Variants in CACNA2D4 observed in about 807,000 individuals in gnomAD.
The protein encoded by CACNA2D4 is calcium voltage-gated channel auxiliary subunit alpha2delta 4.
In CACNA2D4, 157 loss-of-function variants were observed where a neutral mutation model predicts 163.8. The ratio of observed to expected loss-of-function variants is 0.96; its 90% CI spans 0.84 to 1.09. The LOEUF (loss-of-function observed/expected upper bound fraction) is 1.09, where lower values mean the gene tolerates loss of function less well. Ranked by LOEUF, CACNA2D4 falls within the 50% of genes least tolerant of loss-of-function variation. The pLI, the probability that CACNA2D4 is intolerant of heterozygous loss-of-function variation, is 0.00. For missense variants in CACNA2D4, 1,410 were observed against 1,479.9 expected (o/e 0.95, Z 0.78); for synonymous variants, 598 against 586.9 (o/e 1.02, Z -0.27).
chr12:1,863,908 A>AAAT (rs1555183367), intron 18 of CACNA2D4, among the ~76,000 whole-genome samples: 6 of 152,046 alleles, frequency 3.9e-5, no homozygotes, highest in African/African-American at 1.2e-4. Context: ...AAAAAAAAAA[A>AAAT]AATAATAACA....
chr12:1,794,503 A>G (rs1863055458), intron 37 of CACNA2D4, among the ~76,000 whole-genome samples: 3 of 152,290 alleles, frequency 2.0e-5, no homozygotes, highest in South Asian at 4.1e-4. Flanking sequence ...TCAGATGCCA[A>G]TCGCAAGCCC....
intron 29 of CACNA2D4, among the ~76,000 whole-genome samples, chr12:1,804,121 CTGTGTGTGTGTGTGTG>C (rs57706301): frequency 1.8e-4 from 25 of 139,166 alleles, no homozygotes; most frequent in African/African-American, 3.3e-4. Context: ...ATTCTAGTTA[CTGTGTGTGTGTGTGTG>C]TGTGTGTGTG....
rs1425347088 is a variant in CACNA2D4 at position 1,918,536 on chromosome 12, G to A, written c.-63C>T. The A allele has an allele frequency of 5.2e-6, 7 of 1,346,882 alleles. No homozygotes were observed. Among genetic ancestry groups the A allele is most frequent in the Non-Finnish European group, 7.2e-6 (7 of 974,834 alleles). 83.4% of individuals were successfully genotyped at this position (1,346,882 alleles called of 1,614,324 possible). ...CCAGGCCTTTGTCTTCCGTGCCTTG[G>A]CGAGCCTGGGGTCTCCAGCCTCTCA... On this transcript the variant is annotated 5_prime_UTR_variant, in exon 1 of 38. Transcript: ENST00000382722.
At chr12:1,911,021 ATTTTTTTTTTT>A (rs374264665) in intron 3 of CACNA2D4, among the ~76,000 whole-genome samples, 1 of 133,482 alleles carries the variant, frequency 7.5e-6, no homozygotes, top group Non-Finnish European at 1.6e-5. Context: ...CCGCAATACA[ATTTTTTTTTTT>A]TTTTTTTTTG....
At position 1,799,839 on chromosome 12, in the gene CACNA2D4, A is replaced by G; in HGVS notation, c.2975-144T>C. 7.7e-7 allele frequency: 1 copy of G among 1,295,668 alleles called. No homozygotes were observed. The highest frequency in any genetic ancestry group is 1.1e-6 in the Non-Finnish European group (1 of 918,740). The allele number at this position is 1,295,668 out of a possible 1,614,324, so 80.3% of individuals were successfully genotyped here. A position where few individuals can be genotyped will look rare whatever the true frequency, so the allele number is the denominator to read the frequency against. On this transcript the variant is annotated intron_variant, in intron 33 of 37. Transcript: ENST00000382722. The surrounding 1 kb of genome is among the most constrained non-coding windows in gnomAD (Gnocchi z 4.7). ...GATGTCACACACAGAGCCAGGAGTG[A>G]GGGATGTGATGAGAGAAGGCCACGC... is the stretch of plus-strand genomic sequence containing the variant.
rs753200317 is a variant in CACNA2D4, at chr12:1,913,036, A to G, written c.413T>C (p.Val138Ala). ...EDMENMLRRK[V>A]EAVQNLVEAA... ...GGCCTGGAGTACCTGGACCGCCTCG[A>G]CTTTCCTCCGCAGCATGTTCTCCAT... Residue 138 changes from valine (V) to alanine (A), a missense_variant, in exon 3 of 38, where the codon GTC becomes GCC. Physicochemically the swap from Val to Ala is moderately conservative, Grantham distance 64. Transcript: ENST00000382722. 1 of 1,612,662 alleles carries G rather than the reference A, an allele frequency of 6.2e-7. No homozygotes were observed. The highest frequency in any genetic ancestry group is 1.7e-5 in the Admixed American group (1 of 60,004).
chr12:1,886,257 G>T lies in CACNA2D4; in HGVS notation c.959C>A (p.Thr320Asn), dbSNP rs1190082678. The T allele has an allele frequency of 1.2e-6, 2 of 1,613,512 alleles. No homozygotes were observed. Among genetic ancestry groups the T allele is most frequent in the South Asian group, 1.1e-5 (1 of 91,064 alleles). ...ATTAATGAAGTCATTCTCCCCCAGG[G>T]TGTCCAAGATGGTGGTGATGGTGTG... Reference protein sequence around the residue: ...AKHTITTILDTLGENDFINII... With the variant: ...AKHTITTILDNLGENDFINII... The change falls in exon 8 of 38, where the codon ACC becomes AAC. Residue 320 changes from threonine (T) to asparagine (N), a missense_variant. Physicochemically the swap from Thr to Asn is moderately conservative, Grantham distance 65 (BLOSUM62 0). Transcript: ENST00000382722.
intron 23 of CACNA2D4, among the ~76,000 whole-genome samples, chr12:1,852,703 A>G (rs1249945936): frequency 6.6e-6 from 1 of 152,102 alleles, no homozygotes; most frequent in East Asian, 1.9e-4. Flanking sequence ...TCACTGACTA[A>G]TCTCTGAGGT....
chr12:1,905,496 T>C (rs576283170), intron 6 of CACNA2D4, among the ~76,000 whole-genome samples: 1 of 152,232 alleles, frequency 6.6e-6, no homozygotes, highest in African/African-American at 2.4e-5. Flanking sequence ...AATAAATAAA[T>C]GCAGCAAAGT....
rs1309514733 is a variant in CACNA2D4 at position 1,811,344 on chromosome 12, C to T, written c.2613+318G>A. Among the ~76,000 whole-genome samples the T allele has an allele frequency of 2.6e-5, 4 of 152,354 alleles. No homozygotes were observed. In the South Asian group the frequency reaches 6.2e-4, roughly 24 times the overall value. On this transcript the variant is annotated intron_variant, in intron 27 of 37. Coordinates refer to ENST00000382722, the MANE Select transcript of CACNA2D4 (RefSeq NM_172364.5). ...GTCTCTGGCATCTCTTGCCAGCCAT[C>T]AGGGCCTGGACCCCGGACCTTGGAC...
At chr12:1,848,154 C>T (rs1865193519) in intron 23 of CACNA2D4, among the ~76,000 whole-genome samples, 1 of 152,202 alleles carries the variant, frequency 6.6e-6, no homozygotes, top group South Asian at 2.1e-4. Flanking sequence ...AATTTTAGAA[C>T]ATTTTCATCA....
intron 22 of CACNA2D4, among the ~76,000 whole-genome samples, chr12:1,855,318 T>G (rs1185603445): frequency 1.3e-5 from 2 of 152,170 alleles, no homozygotes; most frequent in Non-Finnish European, 2.9e-5. Flanking sequence ...CCTGTTGGGT[T>G]GGCATGGGAG....
chr12:1,800,564 G>T, intron 31 of CACNA2D4, 126 bp from the exon 32 acceptor site: 1 of 910,118 alleles, frequency 1.1e-6, no homozygotes, highest in Non-Finnish European at 1.8e-6. Context: ...AGCAGGGGCA[G>T]CAGAGCACAG....
chr12:1,846,560 G>A, intron 24 of CACNA2D4, 34 bp downstream of exon 24: 1 of 1,521,358 alleles, frequency 6.6e-7, no homozygotes. Context: ...TGCCCTGCAG[G>A]GATTGCCCTC....
chr12:1,879,572 C>T (rs1865949879), intron 14 of CACNA2D4, among the ~76,000 whole-genome samples: 1 of 152,198 alleles, frequency 6.6e-6, no homozygotes, highest in Admixed American at 6.5e-5. Context: ...AGTGAAGCTA[C>T]TCCCAGCCAG....
At chr12:1,795,859 TTTAGTGTGGAG>T (rs1216464285) in intron 35 of CACNA2D4, 79 bp from the exon 36 acceptor site, 1 of 940,970 alleles carries the variant, frequency 1.1e-6, no homozygotes, top group Admixed American at 1.7e-5. Context: ...TTCTGGAGAC[TTTAGTGTGGAG>T]TTAGGGTGGC....
intron 18 of CACNA2D4, among the ~76,000 whole-genome samples, chr12:1,872,313 T>TTTTGTG (rs1865803843): frequency 6.6e-6 from 1 of 152,154 alleles, no homozygotes; most frequent in Non-Finnish European, 1.5e-5. Flanking sequence ...TTTGGCCCCA[T>TTTTGTG]AGGTTTCTGG....
At chr12:1,816,113 A>T (rs1195351526) in intron 26 of CACNA2D4, among the ~76,000 whole-genome samples, 1 of 152,094 alleles carries the variant, frequency 6.6e-6, no homozygotes, top group African/African-American at 2.4e-5. Context: ...CTCCCCCAGG[A>T]TCCCTGCTCT....
intron 26 of CACNA2D4, chr12:1,827,894 C>T (rs956183004): frequency 6.0e-5 from 24 of 400,014 alleles, no homozygotes; most frequent in African/African-American, 3.7e-4. Context: ...GCCTGCCCCG[C>T]CCCCATCCCA....
Sources: allele counts gnomAD v4.1 joint callset (sites outside exome capture counted in the v4.1 genomes callset), GRCh38; gene constraint gnomAD v4.1.1; non-coding constraint Gnocchi (gnomAD v3.1); transcripts MANE v1.5; gene names NCBI Gene and HGNC (gene_info 2026-07-23, HGNC 2026-07-21).